Variants in SV2C observed in about 807,000 individuals in gnomAD.
SV2C encodes synaptic vesicle glycoprotein 2C, also known as solute carrier family 22 member B3.
In SV2C, 49 loss-of-function variants were observed where a neutral mutation model predicts 79.7. The observed-to-expected ratio is 0.61, with a 90% CI of 0.49 to 0.78. The LOEUF is 0.78. Ranked by LOEUF, SV2C falls within the 30% of genes least tolerant of loss-of-function variation. SV2C has a pLI of 0.00. For synonymous variants in SV2C, 334 were observed against 333.2 expected (o/e 1.00, Z -0.03); for missense variants, 833 against 912.9 (o/e 0.91, Z 1.13).
intron 1 of SV2C, among the ~76,000 whole-genome samples, chr5:76,112,712 G>A (rs1037649017): frequency 1.3e-5 from 2 of 152,160 alleles, no homozygotes; most frequent in East Asian, 1.9e-4. Context: ...AGTGACAAGT[G>A]TTTCCTCAAC....
intron 9 of SV2C, among the ~76,000 whole-genome samples, chr5:76,298,000 C>T (rs76197245): frequency 0.016 from 2,445 of 152,206 alleles, 50 homozygotes; most frequent in Middle Eastern, 0.082. Flanking sequence ...CTTATCAATG[C>T]TGATAAGGCC....
the SV2C span, among the ~76,000 whole-genome samples, chr5:76,073,416 T>C: frequency 8.0e-5 from 12 of 149,746 alleles, no homozygotes; most frequent in South Asian, 2.5e-3. Context: ...GTTTAGAGCA[T>C]CACAATTCGC....
intron 6 of SV2C, among the ~76,000 whole-genome samples, chr5:76,287,044 A>C (rs887336315): frequency 3.9e-5 from 6 of 152,230 alleles, no homozygotes; most frequent in African/African-American, 1.4e-4. Flanking sequence ...GAATTATATC[A>C]TTATTGATAT....
chr5:75,925,526 A>T, the SV2C span, among the ~76,000 whole-genome samples: 26 of 152,146 alleles, frequency 1.7e-4, no homozygotes, highest in East Asian at 3.1e-3. Context: ...TCCAATCTCC[A>T]TACACATAGA....
intron 4 of SV2C, among the ~76,000 whole-genome samples, chr5:76,269,911 G>A (rs1746787454): frequency 6.6e-6 from 1 of 152,146 alleles, no homozygotes; most frequent in Admixed American, 6.5e-5. Flanking sequence ...CCGTTCACTG[G>A]GATGCAGCAG....
chr5:75,994,643 A>C, the SV2C span, among the ~76,000 whole-genome samples: 1 of 152,134 alleles, frequency 6.6e-6, no homozygotes, highest in African/African-American at 2.4e-5. Context: ...ATTTTAAAGA[A>C]TGGATTAAAA....
rs146434353 is a variant in SV2C, at chr5:76,275,922, C to T, written c.914-9240C>T. Among the ~76,000 whole-genome samples the T allele has an allele frequency of 6.0e-4, 91 of 152,300 alleles. 1 individual carries two copies. The East Asian group carries it at 0.017, about 28-fold the overall frequency. On this transcript the variant is annotated intron_variant, in intron 4 of 12. Coordinates refer to ENST00000502798, the MANE Select transcript of SV2C (RefSeq NM_014979.4). ...GTCCAAAGGATAATTAGAATCATCA[C>T]TCATACAAGACATATTTTGAAGACA... is the stretch of plus-strand genomic sequence containing the variant.
intron 1 of SV2C, among the ~76,000 whole-genome samples, chr5:76,122,910 A>T (rs1442013554): frequency 1.3e-5 from 2 of 152,202 alleles, no homozygotes; most frequent in African/African-American, 4.8e-5. Flanking sequence ...AAAACCCTTC[A>T]AAAAATTAAT....
At chr5:76,274,727 A>C (rs1476069407) in intron 4 of SV2C, among the ~76,000 whole-genome samples, 2 of 149,998 alleles carry the variant, frequency 1.3e-5, no homozygotes, top group Non-Finnish European at 3.0e-5. Flanking sequence ...GAGATGAAAA[A>C]TCTCTGCTGG....
chr5:75,977,182 C>T, the SV2C span, among the ~76,000 whole-genome samples: 1 of 152,154 alleles, frequency 6.6e-6, no homozygotes, highest in Non-Finnish European at 1.5e-5. Context: ...CTGTGTTCAA[C>T]AGACCAGACC....
At chr5:76,044,560 T>C in the SV2C span, among the ~76,000 whole-genome samples, 1 of 152,218 alleles carries the variant, frequency 6.6e-6, no homozygotes, top group South Asian at 2.1e-4. Context: ...CTCCATAGTT[T>C]CACCAGCATC....
At chr5:76,270,076 A>G (rs566900067) in intron 4 of SV2C, among the ~76,000 whole-genome samples, 27 of 152,244 alleles carry the variant, frequency 1.8e-4, no homozygotes, top group Non-Finnish European at 3.4e-4. Context: ...GGGAATGAAG[A>G]AAAATAGCAT....
At chr5:75,997,908 A>C in the SV2C span, among the ~76,000 whole-genome samples, 1 of 152,112 alleles carries the variant, frequency 6.6e-6, no homozygotes, top group Admixed American at 6.5e-5. Context: ...TTATTGTGGC[A>C]CTATTCACAA....
At chr5:75,940,824 G>T in the SV2C span, among the ~76,000 whole-genome samples, 1 of 152,164 alleles carries the variant, frequency 6.6e-6, no homozygotes, top group Non-Finnish European at 1.5e-5. Context: ...CTTTATAAAT[G>T]AAGTAGATAA....
chr5:75,890,573 A>G, the SV2C span, among the ~76,000 whole-genome samples: 1 of 152,126 alleles, frequency 6.6e-6, no homozygotes, highest in Non-Finnish European at 1.5e-5. Flanking sequence ...CAACACCCAG[A>G]TAGATGCCAC....
At chr5:75,849,900 T>A in the SV2C span, among the ~76,000 whole-genome samples, 1 of 152,090 alleles carries the variant, frequency 6.6e-6, no homozygotes, top group Non-Finnish European at 1.5e-5. Context: ...TTCTTCCTTT[T>A]CTTTTCTTTT....
At chr5:75,881,505 TCCTTCACATC>T in the SV2C span, among the ~76,000 whole-genome samples, 1 of 152,114 alleles carries the variant, frequency 6.6e-6, no homozygotes. Flanking sequence ...CTTGAAGAGG[TCCTTCACATC>T]CCTTGTAAGT....
At chr5:76,091,640 G>C (rs949038945) in intron 1 of SV2C, 15 of 151,870 alleles carry the variant, frequency 9.9e-5, no homozygotes, top group African/African-American at 3.4e-4. Context: ...TTTGTCCTAG[G>C]ACCATAAATA....
At chr5:75,954,283 T>C in the SV2C span, among the ~76,000 whole-genome samples, 2 of 151,928 alleles carry the variant, frequency 1.3e-5, no homozygotes, top group Non-Finnish European at 2.9e-5. Flanking sequence ...AGGAAGAAAA[T>C]GGCAGGCTAA....
Sources: gnomAD v4.1 joint callset for allele counts (sites outside exome capture counted in the v4.1 genomes callset) on GRCh38, gnomAD v4.1.1 for gene constraint, MANE v1.5 for transcripts, NCBI Gene and HGNC (gene_info 2026-07-23, HGNC 2026-07-21) for gene names.